Variants in CPZ observed in about 807,000 individuals in gnomAD.
The protein encoded by CPZ is VEZT/CPZ fusion.
A neutral mutation model predicts 61.8 loss-of-function variants in CPZ; 103 were observed. The ratio of observed to expected loss-of-function variants is 1.67; its 90% confidence interval spans 1.42 to 1.96. The LOEUF is 1.96. Ranked by LOEUF, CPZ falls within the 30% of genes most tolerant of loss-of-function variation. The probability of loss-of-function intolerance (pLI) is 0.00; values close to 1 mark genes in which losing one functional copy is unlikely to be tolerated. For synonymous variants in CPZ, 551 were observed against 373.7 expected, an observed-to-expected ratio of 1.47 and a Z score of -5.47; for missense variants, 1,461 against 914.9, an observed-to-expected ratio of 1.60 and a Z score of -7.70.
chr4:8,613,966 C>A (rs1055728446), intron 8 of CPZ, among the ~76,000 whole-genome samples: 2 of 152,246 alleles, frequency 1.3e-5, no homozygotes, highest in Non-Finnish European at 2.9e-5. Context: ...TGTTAGAAAC[C>A]GATTCATCCC....
intron 6 of CPZ, 31 bp from the exon 7 acceptor site, chr4:8,607,236 C>T (rs1176239405): frequency 3.1e-6 from 5 of 1,608,290 alleles, no homozygotes; most frequent in Non-Finnish European, 4.3e-6. Context: ...GAAAGCCCAG[C>T]CCTGAGGGCG....
chr4:8,619,712 C>G lies in CPZ; in HGVS notation c.*95C>G. 1.1e-6 allele frequency: 1 copy of G among 918,276 alleles called. No individual in the cohort carries two copies. The highest frequency in any genetic ancestry group is 1.6e-6 in the Non-Finnish European group (1 of 642,664). The allele number at this position is 918,276 out of a possible 1,614,324, so 56.9% of individuals were successfully genotyped here. ...GATTTTGTCTGCCACAGACATCCCACAAAGCCGCTGCCATTTTATTAAAGT... is the reference window on the plus strand; with the variant it reads ...GATTTTGTCTGCCACAGACATCCCAGAAAGCCGCTGCCATTTTATTAAAGT... On this transcript the variant is annotated 3_prime_UTR_variant, in exon 11 of 11. Transcript: ENST00000360986.
At chr4:8,615,975 G>A (rs541916400) in intron 9 of CPZ, among the ~76,000 whole-genome samples, 1 of 152,330 alleles carries the variant, frequency 6.6e-6, no homozygotes, top group Non-Finnish European at 1.5e-5. Context: ...ATTCTTCTAT[G>A]AGCTCTCGCG....
intron 6 of CPZ, 92 bp from the exon 7 acceptor site, chr4:8,607,175 A>C (rs1488171248): frequency 2.8e-6 from 4 of 1,441,434 alleles, no homozygotes; most frequent in Non-Finnish European, 3.8e-6. Context: ...AGTCTGCACC[A>C]TTGGAGCCCA....
At chr4:8,605,870 C>T in intron 4 of CPZ, 119 bp from the exon 5 acceptor site, 1 of 1,010,754 alleles carries the variant, frequency 9.9e-7, no homozygotes, top group Non-Finnish European at 1.4e-6. Flanking sequence ...GTTCTTGAGT[C>T]AAAACAAGTA....
Position 8,608,387 on chromosome 4 carries a change from G to A in CPZ, c.1227+962G>A, listed in dbSNP as rs181294745. Among the ~76,000 whole-genome samples the A allele has an allele frequency of 1.1e-3, 164 of 152,278 alleles. 1 individual carries two copies. The highest frequency in any genetic ancestry group is 1.8e-3 in the Non-Finnish European group (124 of 68,006). The stretch of plus-strand genomic sequence containing the variant: ...CCTGGGTGGGCAAGTGCCAGGTGCC[G>A]GGCCCCTCATAACAGCAGTCACACA... On this transcript the variant is annotated intron_variant, in intron 7 of 10. Coordinates refer to ENST00000360986, the MANE Select transcript of CPZ (RefSeq NM_001014447.3).
chr4:8,615,553 C>T (rs1480807982), intron 9 of CPZ, among the ~76,000 whole-genome samples: 1 of 152,242 alleles, frequency 6.6e-6, no homozygotes, highest in Non-Finnish European at 1.5e-5. Context: ...TTGGCGCCCA[C>T]CCACACAGGG....
intron 7 of CPZ, among the ~76,000 whole-genome samples, chr4:8,609,184 G>GCATTCACTCACTCCCT (rs796375066): frequency 2.2e-4 from 24 of 109,324 alleles, no homozygotes; most frequent in African/African-American, 3.6e-4. Flanking sequence ...ATTCACTCAG[G>GCATTCACTCACTCCCT]CATTCACTCA....
At chr4:8,617,220 T>C (rs932141911) in intron 9 of CPZ, among the ~76,000 whole-genome samples, 1 of 152,224 alleles carries the variant, frequency 6.6e-6, no homozygotes, top group Non-Finnish European at 1.5e-5. Context: ...GCTGAAATCA[T>C]CGGTCCTGCA....
At chr4:8,599,426 C>G (rs1714410273) in intron 1 of CPZ, 27 bp from the exon 2 acceptor site, 2 of 1,597,448 alleles carry the variant, frequency 1.3e-6, no homozygotes, top group Admixed American at 1.7e-5. Flanking sequence ...AGGCAGGTCC[C>G]TAACAGTGCC....
intron 7 of CPZ, among the ~76,000 whole-genome samples, chr4:8,610,549 G>T (rs571989406): frequency 6.7e-6 from 1 of 149,966 alleles, no homozygotes; most frequent in African/African-American, 2.5e-5. Context: ...TACCCCCCGA[G>T]GCTACACCCT....
Position 8,601,494 on chromosome 4 carries a change from C to T in CPZ, c.493C>T (p.Arg165Trp), listed in dbSNP as rs375633720. The T allele has an allele frequency of 2.0e-5, 30 of 1,473,504 alleles. No individual in the cohort carries two copies. The highest frequency in any genetic ancestry group is 4.2e-5 in the African/African-American group (3 of 71,972). The allele number at this position is 1,473,504 out of a possible 1,614,324, so 91.3% of individuals were successfully genotyped here. A position where few individuals can be genotyped will look rare whatever the true frequency, so the allele number is the denominator to read the frequency against. ...EGCYDPLEKLRGGLEADEALP... is the reference protein window; with the variant it reads ...EGCYDPLEKLWGGLEADEALP... ...CTGCTATGACCCGCTGGAGAAGCTTCGGGGTAAGGGAAAGTGGCGGGGGCC... is the reference window on the plus strand; with the variant it reads ...CTGCTATGACCCGCTGGAGAAGCTTTGGGGTAAGGGAAAGTGGCGGGGGCC... The change falls in exon 3 of 11, where the codon CGG becomes TGG. Residue 165 changes from arginine (R) to tryptophan (W), a missense_variant. Coordinates refer to ENST00000360986, the MANE Select transcript of CPZ (RefSeq NM_001014447.3).
chr4:8,611,082 G>C, intron 7 of CPZ: 1 of 362,404 alleles, frequency 2.8e-6, no homozygotes, highest in Non-Finnish European at 5.8e-6. Context: ...TCATTCATTC[G>C]CTCATTCACT....
intron 7 of CPZ, among the ~76,000 whole-genome samples, chr4:8,609,340 CTCATTCTCTCAT>C (rs879862186): frequency 2.6e-5 from 4 of 152,144 alleles, no homozygotes; most frequent in African/African-American, 7.2e-5. Flanking sequence ...TTTTCACTCA[CTCATTCTCTCAT>C]TCATTCACTC....
intron 7 of CPZ, among the ~76,000 whole-genome samples, chr4:8,610,758 T>C (rs1000979296): frequency 2.0e-5 from 3 of 152,128 alleles, no homozygotes; most frequent in Non-Finnish European, 4.4e-5. Context: ...GCTGGCAGGA[T>C]AGTGGTCCAT....
At chr4:8,616,204 G>C (rs1308217066) in intron 9 of CPZ, among the ~76,000 whole-genome samples, 1 of 152,226 alleles carries the variant, frequency 6.6e-6, no homozygotes, top group Admixed American at 6.5e-5. Flanking sequence ...TAAGGATCAA[G>C]CCTGTCGTGG....
At chr4:8,605,887 G>A in intron 4 of CPZ, 102 bp from the exon 5 acceptor site, 1 of 1,131,752 alleles carries the variant, frequency 8.8e-7, no homozygotes. Flanking sequence ...AGTATGAATT[G>A]GTCCCAGCCC....
intron 1 of CPZ, among the ~76,000 whole-genome samples, chr4:8,594,646 CA>C (rs1463254763): frequency 9.8e-5 from 15 of 152,334 alleles, no homozygotes; most frequent in Non-Finnish European, 1.8e-4. Flanking sequence ...AGAACTATTT[CA>C]AAAGCCGCTT....
chr4:8,606,173 G>A lies in CPZ; in HGVS notation c.894G>A (p.Val298=). 1.2e-6 allele frequency: 2 copies of A among 1,613,704 alleles called. No homozygotes were observed. Among genetic ancestry groups the A allele is most frequent in the South Asian group, 2.2e-5 (2 of 91,052 alleles). The change falls in exon 5 of 11, where the codon GTG becomes GTA. Residue 298 remains valine, a synonymous_variant. Coordinates refer to ENST00000360986, the MANE Select transcript of CPZ (RefSeq NM_001014447.3). ...LPSMNPDGYE[V]AAAEGAGYNG... ...CCATGAACCCTGACGGCTATGAGGT[G>A]GCAGCTGCCGAGGTGAGCGCCCAGA...
Sources: allele counts gnomAD v4.1 joint callset (sites outside exome capture counted in the v4.1 genomes callset), GRCh38; gene constraint gnomAD v4.1.1; transcripts MANE v1.5; gene names NCBI Gene and HGNC (gene_info 2026-07-23, HGNC 2026-07-21).